The following RBFOX1 variants were observed in gnomAD, a reference collection of about 807,000 sequenced individuals.
RBFOX1 encodes RNA binding protein fox-1 homolog 1.
A neutral mutation model predicts 57.7 loss-of-function variants in RBFOX1; 8 were observed. The observed-to-expected ratio is 0.14, with a 90% CI of 0.08 to 0.25. The LOEUF is 0.25. Among genes scored for constraint, RBFOX1 ranks in the 10% least tolerant of loss-of-function variants. The pLI, the probability that RBFOX1 is intolerant of heterozygous loss-of-function variation, is 1.00. For missense variants in RBFOX1, 611 were observed against 548.5 expected (o/e 1.11, Z -1.14); for synonymous variants, 326 against 222.4 (o/e 1.47, Z -4.15).
intron 4 of RBFOX1, among the ~76,000 whole-genome samples, chr16:7,405,818 C>G (rs1197230985): frequency 6.6e-6 from 1 of 152,138 alleles, no homozygotes; most frequent in Non-Finnish European, 1.5e-5. Flanking sequence ...TGTTTCCTTT[C>G]CACTCTTCCA....
intron 3 of RBFOX1, among the ~76,000 whole-genome samples, chr16:5,707,669 C>T (rs1034530250): frequency 2.0e-5 from 3 of 152,288 alleles, no homozygotes; most frequent in East Asian, 1.9e-4. Context: ...GTGTTGCATC[C>T]TTGTTTGGAA....
At chr16:6,617,086 G>T (rs1239920644) in intron 2 of RBFOX1, among the ~76,000 whole-genome samples, 3 of 151,984 alleles carry the variant, frequency 2.0e-5, no homozygotes, top group Non-Finnish European at 4.4e-5. Context: ...AGAACGTAGA[G>T]GTGCTTTGGC....
At chr16:7,199,705 G>A (rs1156985744) in intron 4 of RBFOX1, among the ~76,000 whole-genome samples, 4 of 152,132 alleles carry the variant, frequency 2.6e-5, no homozygotes, top group Admixed American at 2.0e-4. Context: ...ATCTGCCTTT[G>A]CCAACGTGGT....
At chr16:7,386,246 T>A (rs1022175687) in intron 4 of RBFOX1, among the ~76,000 whole-genome samples, 1 of 152,150 alleles carries the variant, frequency 6.6e-6, no homozygotes, top group Admixed American at 6.5e-5. Context: ...ACTGGTCCTT[T>A]ATGATACTTT....
intron 3 of RBFOX1, among the ~76,000 whole-genome samples, chr16:6,866,694 A>T (rs2059989303): frequency 6.6e-6 from 1 of 151,732 alleles, no homozygotes; most frequent in Non-Finnish European, 1.5e-5. Flanking sequence ...GGCGCCTGCC[A>T]CCACGCCTGG....
chr16:5,476,856 CCAAGTTAACCTTTCT>C (rs2069343121), intron 2 of RBFOX1, among the ~76,000 whole-genome samples: 1 of 152,256 alleles, frequency 6.6e-6, no homozygotes, highest in East Asian at 1.9e-4. Flanking sequence ...AGGCAGCCCT[CCAAGTTAACCTTTCT>C]CAATCTAGTT....
intron 4 of RBFOX1, among the ~76,000 whole-genome samples, chr16:7,377,134 C>G (rs928586556): frequency 6.6e-6 from 1 of 152,094 alleles, no homozygotes; most frequent in Admixed American, 6.6e-5. Flanking sequence ...AGGAAATTAC[C>G]TTTTATATCA....
At chr16:6,112,689 C>G (rs1246106634) in intron 1 of RBFOX1, among the ~76,000 whole-genome samples, 5 of 152,000 alleles carry the variant, frequency 3.3e-5, no homozygotes, top group African/African-American at 7.3e-5. Context: ...AAAACTCCGT[C>G]TCAAAAAAAC....
At chr16:7,511,973 C>G (rs1205749392) in intron 4 of RBFOX1, among the ~76,000 whole-genome samples, 1 of 152,204 alleles carries the variant, frequency 6.6e-6, no homozygotes, top group East Asian at 1.9e-4. Flanking sequence ...TTTGCAAAAG[C>G]TCCTGAAGCA....
rs535091558 is a variant in RBFOX1 at position 5,760,874 on chromosome 16, C to T, written c.319-106429C>T. Among the ~76,000 whole-genome samples, 5 of 152,082 alleles carry T rather than the reference C, an allele frequency of 3.3e-5. No individual in the cohort carries two copies. The South Asian group carries it at 1.0e-3, about 32-fold the overall frequency. On this transcript the variant is annotated intron_variant, in intron 3 of 19. Coordinates refer to the RBFOX1 transcript ENST00000641259. ...AGGAGTAGGGAGCGAGTGGGGTTTC[C>T]CTTTGGGGTGATGAAAATATTTTGG...
chr16:7,518,067 C>T, intron 4 of RBFOX1, 80 bp from the exon 5 acceptor site: 2 of 1,518,524 alleles, frequency 1.3e-6, no homozygotes, highest in South Asian at 1.3e-5. Flanking sequence ...GCACGATCGT[C>T]CTGGGATCTG....
intron 4 of RBFOX1, among the ~76,000 whole-genome samples, chr16:7,366,838 A>T (rs80318007): frequency 1.3e-5 from 2 of 152,230 alleles, no homozygotes; most frequent in African/African-American, 4.8e-5. Flanking sequence ...AGGCAGAGAC[A>T]CATGAAAGAA....
At chr16:5,279,499 T>A (rs373403660) in intron 1 of RBFOX1, among the ~76,000 whole-genome samples, 19 of 142,832 alleles carry the variant, frequency 1.3e-4, no homozygotes, top group Middle Eastern at 3.4e-3. Context: ...TAAAAAAATT[T>A]TTTTTTATTT....
chr16:6,461,221 T>G (rs2094911687), intron 2 of RBFOX1, among the ~76,000 whole-genome samples: 1 of 152,124 alleles, frequency 6.6e-6, no homozygotes, highest in South Asian at 2.1e-4. Flanking sequence ...ACCTATGTAG[T>G]GCACCCACAC....
chr16:5,718,412 C>G (rs552604420), intron 3 of RBFOX1, among the ~76,000 whole-genome samples: 1 of 152,272 alleles, frequency 6.6e-6, no homozygotes, highest in East Asian at 1.9e-4. Flanking sequence ...AGTTAAGCCA[C>G]TGAGTTTTGG....
intron 4 of RBFOX1, among the ~76,000 whole-genome samples, chr16:7,337,835 C>T (rs146130959): frequency 1.3e-5 from 2 of 152,138 alleles, no homozygotes; most frequent in South Asian, 4.1e-4. Context: ...CAGGCACGTG[C>T]CACCACACCC....
intron 4 of RBFOX1, among the ~76,000 whole-genome samples, chr16:7,311,850 G>C (rs2096317602): frequency 6.6e-6 from 1 of 152,158 alleles, no homozygotes; most frequent in Admixed American, 6.5e-5. Flanking sequence ...TTATATGTAG[G>C]ACAGAAGTCA....
chr16:5,719,828 C>T (rs1312771350), intron 3 of RBFOX1, among the ~76,000 whole-genome samples: 1 of 152,060 alleles, frequency 6.6e-6, no homozygotes, highest in African/African-American at 2.4e-5. Flanking sequence ...GGGTTGTTTC[C>T]GTGTTTGGCT....
intron 4 of RBFOX1, among the ~76,000 whole-genome samples, chr16:7,384,773 C>G (rs2097849562): frequency 6.6e-6 from 1 of 152,172 alleles, no homozygotes; most frequent in African/African-American, 2.4e-5. Flanking sequence ...TGAATGCCAA[C>G]CCTTCTCAGC....
Sources: gnomAD v4.1 joint callset for allele counts (sites outside exome capture counted in the v4.1 genomes callset) on GRCh38, gnomAD v4.1.1 for gene constraint, MANE v1.5 for transcripts, NCBI Gene and HGNC (gene_info 2026-07-23, HGNC 2026-07-21) for gene names.